The following PLTP variants were observed in gnomAD, a reference collection of about 807,000 sequenced individuals.
PLTP encodes phospholipid transfer protein.
In PLTP, 43 loss-of-function variants were observed where a neutral mutation model predicts 54.1. The observed-to-expected ratio is 0.79, with a 90% CI of 0.62 to 1.02. The LOEUF (loss-of-function observed/expected upper bound fraction) is 1.02, where lower values mean the gene tolerates loss of function less well. PLTP is among the 50% of genes least tolerant of loss of function. The pLI is 0.00. For synonymous variants in PLTP, 263 were observed against 264.6 expected (o/e 0.99, Z 0.06); for missense variants, 604 against 645.9 (o/e 0.94, Z 0.70).
intron 1 of PLTP, chr20:45,911,757 C>A: frequency 2.0e-6 from 1 of 503,578 alleles, no homozygotes; most frequent in South Asian, 2.1e-5. Context: ...AGCCCCCACA[C>A]CCCCAACAAC....
rs772915034 is a variant in PLTP, at chr20:45,911,456, G to T, written c.-4C>A. 11 of 1,602,740 alleles carry T rather than the reference G, an allele frequency of 6.9e-6. No individual in the cohort carries two copies. The highest frequency in any genetic ancestry group is 1.3e-5 in the African/African-American group (1 of 74,938). On this transcript the variant is annotated 5_prime_UTR_variant, in exon 2 of 16. Transcript: ENST00000372431. ...AGAGGGCCCCGAAGAGGGCCATGGCGAGCGGGCCTGGGGGTGGGGTGGGGT... is the reference window on the plus strand; with the variant it reads ...AGAGGGCCCCGAAGAGGGCCATGGCTAGCGGGCCTGGGGGTGGGGTGGGGT...
In PLTP at chr20:45,899,134, A is replaced by G. The variant is rs2083148265; in HGVS notation, c.1360-71T>C. 9 of 1,597,898 alleles carry G rather than the reference A, an allele frequency of 5.6e-6. No homozygotes were observed. In the South Asian group the frequency reaches 6.6e-5, roughly 12 times the overall value. On this transcript the variant is annotated intron_variant, in intron 15 of 15. Coordinates refer to ENST00000372431, the MANE Select transcript of PLTP (RefSeq NM_006227.4). ...GGCCAGAGTTTAGAGATCAAGAGAC[A>G]GAGTGTTTGTCTTTCAGGAACTCAA...
At position 45,903,674 on chromosome 20, in the gene PLTP, G is replaced by T. The variant is rs542943592; in HGVS notation, c.943-1070C>A. On this transcript the variant is annotated intron_variant, in intron 10 of 15. Transcript: ENST00000372431. ...TTAAACCTCATAATAACCATGTGAGGCCGATATTATTACTGCCAATTTTGT... is the reference window on the plus strand; with the variant it reads ...TTAAACCTCATAATAACCATGTGAGTCCGATATTATTACTGCCAATTTTGT... 2.5e-3 allele frequency among the ~76,000 whole-genome samples: 377 copies of T among 152,172 alleles called. 5 individuals carry two copies. The highest frequency in any genetic ancestry group is 8.8e-3 in the African/African-American group (365 of 41,508).
At chr20:45,909,748 TTAA>T in intron 4 of PLTP, 77 bp from the exon 5 acceptor site, 3 of 1,538,008 alleles carry the variant, frequency 2.0e-6, no homozygotes, top group Non-Finnish European at 1.8e-6. Flanking sequence ...ACCATACCTC[TTAA>T]TAAGGTTTCA....
chr20:45,909,225 A>T (rs1171036679), intron 5 of PLTP, among the ~76,000 whole-genome samples: 1 of 152,092 alleles, frequency 6.6e-6, no homozygotes, highest in Non-Finnish European at 1.5e-5. Flanking sequence ...GACCTCCCAA[A>T]TTGCTGGGAT....
At chr20:45,906,681 G>T (rs1403081109) in intron 7 of PLTP, among the ~76,000 whole-genome samples, 1 of 151,960 alleles carries the variant, frequency 6.6e-6, no homozygotes, top group East Asian at 1.9e-4. Context: ...CCTGAGGTCA[G>T]GTGTTCGAGA....
intron 10 of PLTP, 119 bp downstream of exon 10, chr20:45,904,681 G>T: frequency 1.1e-6 from 1 of 898,930 alleles, no homozygotes; most frequent in Non-Finnish European, 1.9e-6. Flanking sequence ...GAGGGGGATT[G>T]GCCACAGACA....
chr20:45,902,461 G>T lies in PLTP; in HGVS notation c.1086C>A (p.Val362=). ...GTACCATAGTCATGCTGGACAGCTGGACCTCAGGCTGGTCTGGTGGGACCA... is the reference window on the plus strand; with the variant it reads ...GTACCATAGTCATGCTGGACAGCTGTACCTCAGGCTGGTCTGGTGGGACCA... The part of the protein sequence containing the change: ...IALVPPDQPE[V]QLSSMTMDAR... Residue 362 remains valine, a synonymous_variant, in exon 11 of 16, where the codon GTC becomes GTA. Transcript: ENST00000372431. 6.2e-7 allele frequency: 1 copy of T among 1,614,262 alleles called. No individual in the cohort carries two copies. The highest frequency in any genetic ancestry group is 8.5e-7 in the Non-Finnish European group (1 of 1,180,044).
intron 5 of PLTP, among the ~76,000 whole-genome samples, chr20:45,909,228 G>C (rs922478216): frequency 7.9e-5 from 12 of 152,130 alleles, no homozygotes; most frequent in African/African-American, 2.2e-4. Context: ...CTCCCAAATT[G>C]CTGGGATTTC....
intron 2 of PLTP, 46 bp downstream of exon 2, chr20:45,911,307 C>T: frequency 1.2e-6 from 2 of 1,613,892 alleles, no homozygotes; most frequent in Non-Finnish European, 1.7e-6. Context: ...GGGGCGACCC[C>T]AACCCCGTCC....
At chr20:45,908,446 T>C (rs2083260649) in intron 5 of PLTP, among the ~76,000 whole-genome samples, 1 of 152,060 alleles carries the variant, frequency 6.6e-6, no homozygotes, top group Non-Finnish European at 1.5e-5. Flanking sequence ...TTATAATCCA[T>C]CATCTTCTCT....
Position 45,899,855 on chromosome 20 carries a change from G to A in PLTP, c.1199C>T (p.Ser400Phe), listed in dbSNP as rs2083163635. 4 of 1,438,532 alleles carry A rather than the reference G, an allele frequency of 2.8e-6. No individual in the cohort carries two copies. Among genetic ancestry groups the A allele is most frequent in the Non-Finnish European group, 3.7e-6 (4 of 1,081,788 alleles). 89.1% of individuals were successfully genotyped at this position (1,438,532 alleles called of 1,614,324 possible). Residue 400 changes from serine to phenylalanine, a missense_variant, in exon 13 of 16, where the codon TCT becomes TTT. Physicochemically the swap from Ser to Phe is radical, Grantham distance 155 (BLOSUM62 -2). Coordinates refer to ENST00000372431, the MANE Select transcript of PLTP (RefSeq NM_006227.4). ...LRRFRIYSNH[S>F]ALESLALIPL... ...ACTCACAGCCAGCGACTCCAGTGCA[G>A]AATGGTTGGAATAGATTCGGAACCT...
In PLTP at chr20:45,899,477, C is replaced by T. The variant is rs139710284; in HGVS notation, c.1344G>A (p.Val448=). The change falls in exon 15 of 16, where the codon GTG becomes GTA. Residue 448 remains valine (V), a synonymous_variant. Transcript: ENST00000372431. ...LPEGINFVHE[V]VTNHAGFLTI... ...CCCCACTCACCGCATGGTTCGTCAC[C>T]ACCTCATGCACAAAGTTGATGCCCT... 1 of 1,614,110 alleles carries T rather than the reference C, an allele frequency of 6.2e-7. No homozygotes were observed. The highest frequency in any genetic ancestry group is 1.1e-5 in the South Asian group (1 of 91,082).
intron 12 of PLTP, among the ~76,000 whole-genome samples, chr20:45,900,206 G>A (rs1419551834): frequency 7.4e-6 from 1 of 134,594 alleles, no homozygotes; most frequent in Non-Finnish European, 1.5e-5. Flanking sequence ...CCGGGTTCAC[G>A]CCATTCTCCT....
intron 7 of PLTP, 43 bp downstream of exon 7, chr20:45,907,649 T>G: frequency 1.9e-6 from 3 of 1,570,378 alleles, no homozygotes; most frequent in Non-Finnish European, 2.6e-6. Flanking sequence ...TCTGAGGTGC[T>G]GCATGACAGC....
At chr20:45,910,258 G>A (rs1328205658) in intron 3 of PLTP, among the ~76,000 whole-genome samples, 188 bp from the exon 4 acceptor site, 1 of 152,182 alleles carries the variant, frequency 6.6e-6, no homozygotes, top group Non-Finnish European at 1.5e-5. Context: ...GGGTGGCTGA[G>A]AGAGGAGGTC....
chr20:45,899,810 C>CCCCCCCCCCCCCCCA, intron 13 of PLTP, 26 bp downstream of exon 13: 2 of 1,134,804 alleles, frequency 1.8e-6, no homozygotes, highest in Non-Finnish European at 2.6e-6. Context: ...GAACCCAGCC[C>CCCCCCCCCCCCCCCA]AGCCCACCCA....
intron 1 of PLTP, 124 bp from the exon 2 acceptor site, chr20:45,911,587 AC>A (rs2083294541): frequency 9.6e-6 from 13 of 1,350,470 alleles, no homozygotes; most frequent in Non-Finnish European, 1.3e-5. Flanking sequence ...GGAACTTGGA[AC>A]CAATAATCTT....
rs2083227163 is a variant in PLTP, at chr20:45,905,085, T to C, written c.739A>G (p.Ser247Gly). 1.9e-6 allele frequency: 3 copies of C among 1,614,168 alleles called. No homozygotes were observed. Among genetic ancestry groups the C allele is most frequent in the Non-Finnish European group, 2.5e-6 (3 of 1,180,034 alleles). The change falls in exon 9 of 16, where the codon AGC becomes GGC. Residue 247 changes from serine (S) to glycine (G), a missense_variant. Transcript: ENST00000372431. ...AFFPLTERNW[S>G]LPNRAVEPQL... ...GGCTCCACTGCCCGGTTGGGGAGGC[T>C]CCAGTTCCTCTCAGTCAGGGGGAAG...
Sources: allele counts gnomAD v4.1 joint callset (sites outside exome capture counted in the v4.1 genomes callset), GRCh38; gene constraint gnomAD v4.1.1; transcripts MANE v1.5; gene names NCBI Gene and HGNC (gene_info 2026-07-23, HGNC 2026-07-21).